AATK: variants seen among roughly 807,000 people sequenced by gnomAD.
AATK encodes the protein serine/threonine-protein kinase LMTK1.
Under a neutral mutation model 114.3 loss-of-function variants are expected in AATK, and 91 were observed. The ratio of observed to expected loss-of-function variants is 0.80; its 90% CI spans 0.67 to 0.95. AATK has a LOEUF of 0.95. Ranked by LOEUF, AATK falls within the 40% of genes least tolerant of loss-of-function variation. The pLI is 0.00. For synonymous variants in AATK, 1,075 were observed against 916.5 expected, an observed-to-expected ratio of 1.17 and a Z score of -3.12; for missense variants, 2,176 against 1,965.2, an observed-to-expected ratio of 1.11 and a Z score of -2.03.
intron 1 of AATK, among the ~76,000 whole-genome samples, chr17:81,138,911 G>A (rs1379653138): frequency 4.7e-5 from 7 of 149,926 alleles, no homozygotes; most frequent in Admixed American, 1.3e-4. Context: ...CCACACATGC[G>A]TAGACAGATA....
chr17:81,128,375 C>T (rs1023231052), intron 4 of AATK, 95 bp downstream of exon 4: 12 of 1,430,598 alleles, frequency 8.4e-6, no homozygotes, highest in South Asian at 6.2e-5. Context: ...AAGGGACCGT[C>T]GGGGCTGGGG....
At chr17:81,127,076 G>C (rs1480305495) in intron 6 of AATK, among the ~76,000 whole-genome samples, 2 of 144,202 alleles carry the variant, frequency 1.4e-5, no homozygotes, top group East Asian at 4.3e-4. Flanking sequence ...TCTCGGGGGA[G>C]GGGGAGACGG....
At chr17:81,119,658 CA>C (rs2060666175) in intron 12 of AATK, 78 bp from the exon 13 acceptor site, 1 of 532,926 alleles carries the variant, frequency 1.9e-6, no homozygotes, top group Non-Finnish European at 2.5e-6. Flanking sequence ...GTCACGGGCC[CA>C]GGCCCCGCCT....
chr17:81,122,095 G>A lies in AATK; in HGVS notation c.1841C>T (p.Ala614Val), dbSNP rs377531479. ...TCCCTCCGCCAGACTCAGGGGCCCC[G>A]CCGAGGGCGAGGGAGAGCGTGAGGG... ...LCPSRSPSPS[A>V]GPLSLAEGGA... Residue 614 changes from alanine to valine, a missense_variant, in exon 11 of 14, where the codon GCG becomes GTG. This residue lies in a region of AATK where 1,701 missense variants were observed against 1,394.7 expected (regional missense o/e 1.22). Transcript: ENST00000326724. 1.9e-5 allele frequency: 30 copies of A among 1,576,524 alleles called. 1 individual carries two copies. The highest frequency in any genetic ancestry group is 1.9e-4 in the African/African-American group (14 of 74,428).
At chr17:81,151,542 G>T (rs1032404498) in intron 1 of AATK, among the ~76,000 whole-genome samples, 7 of 152,016 alleles carry the variant, frequency 4.6e-5, no homozygotes, top group African/African-American at 1.5e-4. Context: ...CCATCTGGCT[G>T]GTCACTTGGG....
In AATK at chr17:81,119,979, C is replaced by T. The variant is rs765108014; in HGVS notation, c.3840G>A (p.Pro1280=). 2.4e-5 allele frequency: 35 copies of T among 1,449,138 alleles called. No homozygotes were observed. In the Middle Eastern group the frequency reaches 3.1e-3, roughly 128 times the overall value. The allele number at this position is 1,449,138 out of a possible 1,614,324, so 89.8% of individuals were successfully genotyped here. ...CATTTGGGGAGCCATCAGCCTGCTGCGGCCGGTTGGGGGCGCTGGGAGAGC... is the reference window on the plus strand; with the variant it reads ...CATTTGGGGAGCCATCAGCCTGCTGTGGCCGGTTGGGGGCGCTGGGAGAGC... The part of the protein sequence containing the change: ...SPGSPSAPNR[P]QQADGSPNGS... Residue 1280 remains proline (P), a synonymous_variant, in exon 12 of 14, where the codon CCG becomes CCA. Transcript: ENST00000326724.
intron 1 of AATK, among the ~76,000 whole-genome samples, chr17:81,153,508 C>T (rs1053199342): frequency 3.3e-5 from 5 of 152,150 alleles, no homozygotes; most frequent in Admixed American, 6.5e-5. Context: ...GATGACACCC[C>T]GGAGCGTTCA....
intron 1 of AATK, among the ~76,000 whole-genome samples, chr17:81,152,291 T>A (rs1311514103): frequency 1.3e-5 from 2 of 151,696 alleles, no homozygotes; most frequent in Non-Finnish European, 2.9e-5. Context: ...AAAATAAAAA[T>A]AAAAAATCCT....
chr17:81,162,559 CCT>C (rs1322380361), intron 1 of AATK, among the ~76,000 whole-genome samples: 1 of 152,178 alleles, frequency 6.6e-6, no homozygotes, highest in Non-Finnish European at 1.5e-5. Flanking sequence ...CCCTTGAGCC[CCT>C]GAGTCCAGCC....
intron 1 of AATK, among the ~76,000 whole-genome samples, chr17:81,155,602 T>C (rs557694749): frequency 1.3e-5 from 2 of 151,946 alleles, no homozygotes; most frequent in Non-Finnish European, 2.9e-5. Flanking sequence ...GCCAGGCTGG[T>C]CTCGAACTCC....
chr17:81,147,158 C>T (rs972290448), intron 1 of AATK, among the ~76,000 whole-genome samples: 7 of 151,378 alleles, frequency 4.6e-5, no homozygotes, highest in Non-Finnish European at 7.4e-5. Context: ...GTCGGGAGAT[C>T]GAGACCATCC....
In AATK at chr17:81,137,052, G is replaced by A. The variant is rs555633450; in HGVS notation, c.56-2551C>T. On this transcript the variant is annotated intron_variant, in intron 1 of 13. Coordinates refer to ENST00000326724, the MANE Select transcript of AATK (RefSeq NM_001080395.3). ...GCAGGTGGATCACTTGAGGTCAGGAGTTCGAGACCAGCCTGGCCAACACAG... is the reference window on the plus strand; with the variant it reads ...GCAGGTGGATCACTTGAGGTCAGGAATTCGAGACCAGCCTGGCCAACACAG... Among the ~76,000 whole-genome samples, 14 of 152,238 alleles carry A rather than the reference G, an allele frequency of 9.2e-5. No individual in the cohort carries two copies. In the South Asian group the frequency reaches 2.7e-3, roughly 29 times the overall value.
intron 1 of AATK, 26 bp downstream of exon 1, chr17:81,165,912 C>T: frequency 1.3e-6 from 2 of 1,566,548 alleles, no homozygotes; most frequent in Non-Finnish European, 1.7e-6. Flanking sequence ...GGCAGCGGCG[C>T]GCAGGCCGGG....
intron 1 of AATK, among the ~76,000 whole-genome samples, chr17:81,155,606 G>A (rs369842044): frequency 2.2e-4 from 33 of 151,608 alleles, no homozygotes; most frequent in Non-Finnish European, 4.1e-4. Context: ...GGCTGGTCTC[G>A]AACTCCTGAC....
chr17:81,138,728 C>A (rs1402228999), intron 1 of AATK, among the ~76,000 whole-genome samples: 1 of 151,114 alleles, frequency 6.6e-6, no homozygotes, highest in Non-Finnish European at 1.5e-5. Context: ...CAAACCCACA[C>A]ATGCGCGCAC....
chr17:81,151,853 G>A lies in AATK; in HGVS notation c.55+14085C>T, dbSNP rs144589370. Among the ~76,000 whole-genome samples the A allele has an allele frequency of 3.0e-3, 459 of 152,318 alleles. 5 individuals are homozygous for A. The highest frequency in any genetic ancestry group is 0.01 in the African/African-American group (425 of 41,562). ...GGCCAGGCTGACAAGGGTGGCCTTC[G>A]ATTTGGGTGTCAACTTAATCATAGA... On this transcript the variant is annotated intron_variant, in intron 1 of 13. Transcript: ENST00000326724.
chr17:81,153,514 G>A (rs183884136), intron 1 of AATK, among the ~76,000 whole-genome samples: 131 of 152,304 alleles, frequency 8.6e-4, no homozygotes, highest in African/African-American at 2.7e-3. Flanking sequence ...ACCCCGGAGC[G>A]TTCAGGGAAT....
In AATK at chr17:81,141,953, T is replaced by C. The variant is rs763876251; in HGVS notation, c.56-7452A>G. Among the ~76,000 whole-genome samples the C allele has an allele frequency of 9.0e-4, 114 of 126,148 alleles. 2 individuals are homozygous for C. Among genetic ancestry groups the C allele is most frequent in the African/African-American group, 3.5e-3 (111 of 31,480 alleles). The allele number at this position is 126,148 out of a possible 152,430, so 82.8% of individuals were successfully genotyped here. ...CTTCCTTCCTTCCTTCCTTCCTTCC[T>C]TTCCTTCCTTCCTTCCTTCCTTGAT... On this transcript the variant is annotated intron_variant, in intron 1 of 13. Coordinates refer to ENST00000326724, the MANE Select transcript of AATK (RefSeq NM_001080395.3).
At chr17:81,151,341 C>G (rs1267050024) in intron 1 of AATK, among the ~76,000 whole-genome samples, 1 of 151,302 alleles carries the variant, frequency 6.6e-6, no homozygotes, top group Non-Finnish European at 1.5e-5. Flanking sequence ...CCCACATCCC[C>G]CAGAAATGAA....
Sources: gnomAD v4.1 joint callset for allele counts (sites outside exome capture counted in the v4.1 genomes callset) on GRCh38, gnomAD v4.1.1 for gene constraint, gnomAD v4.1.1 regional missense constraint, MANE v1.5 for transcripts, NCBI Gene and HGNC (gene_info 2026-07-23, HGNC 2026-07-21) for gene names.